RANBP17: variants seen among roughly 807,000 people sequenced by gnomAD.
RANBP17 encodes the protein RAN binding protein 17, also known as ran-binding protein 17.
RANBP17 carries 158 observed loss-of-function variants against 141.2 expected under a neutral mutation model. The observed-to-expected ratio is 1.12, with a 90% confidence interval of 0.98 to 1.28. RANBP17 has a LOEUF of 1.28. Ranked by LOEUF, RANBP17 falls within the 50% of genes most tolerant of loss-of-function variation. The pLI is 0.00. For missense variants in RANBP17, 1,438 were observed against 1,290.7 expected, an observed-to-expected ratio of 1.11 and a Z score of -1.75; for synonymous variants, 430 against 450.0, an observed-to-expected ratio of 0.96 and a Z score of 0.56.
chr5:171,011,992 T>C (rs1193078271), intron 14 of RANBP17, among the ~76,000 whole-genome samples: 4 of 151,356 alleles, frequency 2.6e-5, no homozygotes, highest in Admixed American at 6.6e-5. Context: ...TGAGCTATTC[T>C]GGTTATTGCC....
At chr5:171,000,976 C>T (rs377388483) in intron 14 of RANBP17, among the ~76,000 whole-genome samples, 139 of 152,154 alleles carry the variant, frequency 9.1e-4, no homozygotes, top group African/African-American at 3.1e-3. Context: ...TCAGGCCGTC[C>T]GGATGTATAT....
intron 14 of RANBP17, among the ~76,000 whole-genome samples, chr5:171,148,707 C>T (rs929274546): frequency 1.2e-4 from 18 of 151,654 alleles, no homozygotes; most frequent in African/African-American, 4.4e-4. Flanking sequence ...GGTTTAAGTC[C>T]CAGCCCTGTC....
intron 24 of RANBP17, among the ~76,000 whole-genome samples, chr5:171,259,881 T>C (rs1469017769): frequency 2.6e-5 from 4 of 151,754 alleles, no homozygotes; most frequent in Non-Finnish European, 5.9e-5. Context: ...CTCAGGAGGC[T>C]GCAGCAGGAG....
intron 14 of RANBP17, among the ~76,000 whole-genome samples, chr5:171,033,585 G>C (rs865906495): frequency 2.6e-5 from 4 of 152,072 alleles, no homozygotes; most frequent in Middle Eastern, 3.4e-3. Flanking sequence ...ATGAACATAT[G>C]CTAATTTCTG....
At chr5:171,009,574 A>C (rs545429804) in intron 14 of RANBP17, among the ~76,000 whole-genome samples, 2 of 152,300 alleles carry the variant, frequency 1.3e-5, no homozygotes, top group East Asian at 3.9e-4. Context: ...AAACTAGGTG[A>C]TCTCCAAGTT....
At chr5:170,909,910 G>A (rs757618489) in intron 6 of RANBP17, 145 bp downstream of exon 6, 3 of 509,792 alleles carry the variant, frequency 5.9e-6, no homozygotes, top group Non-Finnish European at 1.0e-5. Flanking sequence ...ATTTGCATAA[G>A]TCTGTAAGCA....
intron 22 of RANBP17, among the ~76,000 whole-genome samples, chr5:171,223,504 G>A (rs1002044010): frequency 2.0e-5 from 3 of 152,020 alleles, no homozygotes; most frequent in East Asian, 3.9e-4. Context: ...GCGTGGTGGC[G>A]GGCACCTGTA....
chr5:170,958,673 T>C (rs918607222), intron 13 of RANBP17, among the ~76,000 whole-genome samples: 2 of 152,164 alleles, frequency 1.3e-5, no homozygotes, highest in African/African-American at 4.8e-5. Flanking sequence ...CAGAGAACAC[T>C]ACCAAATTAG....
intron 14 of RANBP17, among the ~76,000 whole-genome samples, chr5:171,157,090 GCTAA>G (rs1338642091): frequency 1.1e-4 from 16 of 152,286 alleles, no homozygotes; most frequent in East Asian, 7.7e-4. Context: ...TCACTTGTAA[GCTAA>G]CTGTCTGTCA....
intron 14 of RANBP17, among the ~76,000 whole-genome samples, chr5:171,117,133 G>A (rs1480938903): frequency 6.6e-6 from 1 of 152,142 alleles, no homozygotes; most frequent in African/African-American, 2.4e-5. Context: ...ATGGCAGCGG[G>A]GGTGGTGGTA....
intron 18 of RANBP17, 45 bp downstream of exon 18, chr5:171,183,475 C>A: frequency 7.7e-7 from 1 of 1,291,288 alleles, no homozygotes. Context: ...ATCAGCAATA[C>A]ACTTGTGTGA....
intron 14 of RANBP17, among the ~76,000 whole-genome samples, chr5:171,050,581 C>T (rs1782891658): frequency 2.0e-5 from 3 of 152,126 alleles, no homozygotes. Context: ...GTGACGTGTG[C>T]CTGTGGTCCC....
intron 14 of RANBP17, among the ~76,000 whole-genome samples, chr5:171,061,951 C>A (rs373426648): frequency 5.9e-4 from 89 of 151,656 alleles, no homozygotes; most frequent in East Asian, 5.0e-3. Flanking sequence ...GTTGGTTTAA[C>A]GTCTGTTTTA....
chr5:171,053,091 A>T (rs1783068475), intron 14 of RANBP17, among the ~76,000 whole-genome samples: 1 of 152,292 alleles, frequency 6.6e-6, no homozygotes, highest in South Asian at 2.1e-4. Flanking sequence ...AAGTCCTGGG[A>T]TTACAGGCGT....
At chr5:171,266,700 T>C (rs1766708431) in intron 25 of RANBP17, among the ~76,000 whole-genome samples, 2 of 152,014 alleles carry the variant, frequency 1.3e-5, no homozygotes, top group South Asian at 4.1e-4. Context: ...GATCACCAGG[T>C]CAGGAGTTCA....
intron 12 of RANBP17, among the ~76,000 whole-genome samples, chr5:170,952,911 A>G (rs1186778550): frequency 6.6e-6 from 1 of 152,066 alleles, no homozygotes; most frequent in Non-Finnish European, 1.5e-5. Flanking sequence ...TAAATTAGTC[A>G]ATTTCAGCTG....
At chr5:170,975,597 A>G (rs1777307605) in intron 14 of RANBP17, among the ~76,000 whole-genome samples, 1 of 152,170 alleles carries the variant, frequency 6.6e-6, no homozygotes, top group South Asian at 2.1e-4. Flanking sequence ...TTTTTACAAA[A>G]CAGTAGGACA....
chr5:171,197,633 C>T (rs1455385103), intron 18 of RANBP17, among the ~76,000 whole-genome samples: 2 of 152,198 alleles, frequency 1.3e-5, no homozygotes, highest in South Asian at 2.1e-4. Context: ...ATTTAGTTCC[C>T]GCAGTAACCC....
intron 22 of RANBP17, among the ~76,000 whole-genome samples, chr5:171,228,239 A>G (rs1411899075): frequency 6.6e-6 from 1 of 152,226 alleles, no homozygotes. Flanking sequence ...TGTGATTCAC[A>G]GGAGGAGGTG....
Sources: allele counts gnomAD v4.1 joint callset (sites outside exome capture counted in the v4.1 genomes callset), GRCh38; gene constraint gnomAD v4.1.1; transcripts MANE v1.5; gene names NCBI Gene and HGNC (gene_info 2026-07-23, HGNC 2026-07-21).